Variants in VPS39 observed in about 807,000 individuals in gnomAD.
VPS39 encodes vam6/Vps39-like protein.
Under a neutral mutation model 121.0 loss-of-function variants are expected in VPS39, and 70 were observed. That is an observed-to-expected ratio of 0.58 (90% confidence interval 0.48 to 0.71). The LOEUF is 0.71. Ranked by LOEUF, VPS39 falls within the 30% of genes least tolerant of loss-of-function variation. The pLI is 0.00. For synonymous variants in VPS39, 378 were observed against 398.1 expected, an observed-to-expected ratio of 0.95 and a Z score of 0.60; for missense variants, 818 against 1,051.5, an observed-to-expected ratio of 0.78 and a Z score of 3.07.
chr15:42,203,853 C>A (rs547494246), intron 1 of VPS39, among the ~76,000 whole-genome samples: 3 of 152,286 alleles, frequency 2.0e-5, no homozygotes, highest in Admixed American at 6.5e-5. Context: ...GGATGACAAG[C>A]CTGCAGAGCA....
chr15:42,170,741 ATTTTTTTT>A (rs869280235), intron 11 of VPS39, among the ~76,000 whole-genome samples: 98 of 50,480 alleles, frequency 1.9e-3, no homozygotes, highest in African/African-American at 6.0e-3. Flanking sequence ...ATGCTCGCAG[ATTTTTTTT>A]TTTTTTTTTT....
chr15:42,203,737 C>T (rs182801371), intron 1 of VPS39, among the ~76,000 whole-genome samples: 2,162 of 152,320 alleles, frequency 0.014, 45 homozygotes, highest in African/African-American at 0.05. Context: ...ACTTTTAAAT[C>T]AACCTGATTG....
At chr15:42,184,803 TC>T in intron 7 of VPS39, 103 bp from the exon 8 acceptor site, 3 of 1,102,098 alleles carry the variant, frequency 2.7e-6, no homozygotes, top group Non-Finnish European at 2.6e-6. Context: ...CCAATAATAT[TC>T]CTTGTTTGAC....
chr15:42,162,709 G>A (rs113510047), intron 21 of VPS39: 144 of 435,320 alleles, frequency 3.3e-4, no homozygotes, highest in African/African-American at 2.6e-3. Flanking sequence ...CCTTGTATTC[G>A]TTTACCATTA....
At position 42,179,587 on chromosome 15, in the gene VPS39, A is replaced by G. The variant is rs770171034; in HGVS notation, c.719-1017T>C. On this transcript the variant is annotated intron_variant, in intron 8 of 24. Coordinates refer to ENST00000318006, the MANE Select transcript of VPS39 (RefSeq NM_015289.5). ...CAAGACTCCATCTCAATAAATAAAT[A>G]AATAAATAAATAAATAAATAAATAA... is the stretch of plus-strand genomic sequence containing the variant. Among the ~76,000 whole-genome samples the G allele has an allele frequency of 5.7e-3, 625 of 110,164 alleles. 5 individuals carry two copies. The highest frequency in any genetic ancestry group is 0.018 in the Middle Eastern group (4 of 224). The allele number at this position is 110,164 out of a possible 152,430, so 72.3% of individuals were successfully genotyped here. A position where few individuals can be genotyped will look rare whatever the true frequency, so the allele number is the denominator to read the frequency against.
intron 4 of VPS39, 52 bp from the exon 5 acceptor site, chr15:42,189,260 T>C: frequency 1.3e-6 from 2 of 1,486,746 alleles, no homozygotes; most frequent in Non-Finnish European, 9.4e-7. Flanking sequence ...TTCTCTAGCA[T>C]AGCCACTATC....
intron 18 of VPS39, 178 bp downstream of exon 18, chr15:42,164,818 G>A: frequency 7.0e-7 from 1 of 1,437,912 alleles, no homozygotes. Flanking sequence ...ACCTAGACAA[G>A]AGCTCCTGAG....
At chr15:42,163,825 G>C in intron 19 of VPS39, 97 bp from the exon 20 acceptor site, 1 of 797,984 alleles carries the variant, frequency 1.3e-6, no homozygotes, top group East Asian at 2.7e-5. Context: ...GCAATATAAA[G>C]GGAAGACAAT....
chr15:42,176,011 C>T (rs1302066232), intron 10 of VPS39, among the ~76,000 whole-genome samples: 1 of 152,120 alleles, frequency 6.6e-6, no homozygotes, highest in African/African-American at 2.4e-5. Flanking sequence ...TGTAATTTCC[C>T]TCTGAAAGTT....
rs2049215095 is a variant in VPS39 at position 42,165,063 on chromosome 15, G to C, written c.1830C>G (p.Cys610Trp). ...WEETGSRFHNCLIQLYCEKVQ... is the reference protein window; with the variant it reads ...WEETGSRFHNWLIQLYCEKVQ... ...CCTTCTCACAGTATAGCTGGATCAG[G>C]CAGTTGTGGAACCGAGAGCCTGTCT... Residue 610 changes from cysteine to tryptophan, a missense_variant, in exon 18 of 25, where the codon TGC (cysteine) becomes TGG (tryptophan). Cys to Trp is a radical substitution (Grantham distance 215). Coordinates refer to ENST00000318006, the MANE Select transcript of VPS39 (RefSeq NM_015289.5). 1.9e-6 allele frequency: 3 copies of C among 1,614,120 alleles called. No individual in the cohort carries two copies. In the South Asian group the frequency reaches 3.3e-5, roughly 18 times the overall value.
At chr15:42,202,121 C>G (rs1042804847) in intron 1 of VPS39, among the ~76,000 whole-genome samples, 7 of 151,158 alleles carry the variant, frequency 4.6e-5, no homozygotes, top group African/African-American at 1.5e-4. Flanking sequence ...GATGTACTTA[C>G]TAAGGCACCC....
At chr15:42,181,153 T>C (rs981387347) in intron 8 of VPS39, among the ~76,000 whole-genome samples, 3 of 152,224 alleles carry the variant, frequency 2.0e-5, no homozygotes, top group African/African-American at 4.8e-5. Flanking sequence ...CAAAATGTGG[T>C]ATATACACAC....
intron 18 of VPS39, 162 bp from the exon 19 acceptor site, chr15:42,164,648 G>A: frequency 6.9e-7 from 1 of 1,439,786 alleles, no homozygotes; most frequent in East Asian, 2.5e-5. Context: ...TAGTCTCCAT[G>A]TGGCCCCAAA....
intron 10 of VPS39, among the ~76,000 whole-genome samples, chr15:42,174,910 G>A (rs1282628172): frequency 6.6e-6 from 1 of 152,074 alleles, no homozygotes; most frequent in Non-Finnish European, 1.5e-5. Flanking sequence ...GGAGGCGGAG[G>A]TTGCAGTGAG....
intron 1 of VPS39, among the ~76,000 whole-genome samples, chr15:42,203,142 C>T (rs1434662916): frequency 1.3e-5 from 2 of 151,844 alleles, no homozygotes; most frequent in African/African-American, 4.8e-5. Context: ...ACTAGCCTGG[C>T]CAACATGGTG....
At chr15:42,205,252 TAATTA>T (rs1394747047) in intron 1 of VPS39, among the ~76,000 whole-genome samples, 4 of 152,124 alleles carry the variant, frequency 2.6e-5, no homozygotes, top group Non-Finnish European at 5.9e-5. Flanking sequence ...GAGGCAATAA[TAATTA>T]AATATATAAA....
At chr15:42,164,739 A>G (rs747064023) in intron 18 of VPS39, 63 of 1,425,738 alleles carry the variant, frequency 4.4e-5, no homozygotes, top group Non-Finnish European at 4.9e-5. Flanking sequence ...TATAGCTGTC[A>G]TCTTGCAGAC....
chr15:42,164,527 G>A, intron 18 of VPS39, 41 bp from the exon 19 acceptor site: 2 of 1,610,340 alleles, frequency 1.2e-6, no homozygotes, highest in Non-Finnish European at 1.7e-6. Flanking sequence ...GACACTGCCA[G>A]GTGGCAATGT....
Position 42,167,591 on chromosome 15 carries a change from CT to C in VPS39, c.1234-55del, listed in dbSNP as rs1165175872. 15 of 1,594,408 alleles carry C rather than the reference CT, an allele frequency of 9.4e-6. No individual in the cohort carries two copies. The East Asian group carries it at 3.4e-4, about 36-fold the overall frequency. The stretch of plus-strand genomic sequence containing the variant: ...CCAGGACTAAGTCTTCCTTTGTCAT[CT>C]GAGCTACTGGGTAATTCTGAATACC... On this transcript the variant is annotated intron_variant, in intron 12 of 24. Transcript: ENST00000318006.
Sources: gnomAD v4.1 joint callset for allele counts (sites outside exome capture counted in the v4.1 genomes callset) on GRCh38, gnomAD v4.1.1 for gene constraint, MANE v1.5 for transcripts, NCBI Gene and HGNC (gene_info 2026-07-23, HGNC 2026-07-21) for gene names.